The following GRM8 variants were observed in gnomAD, a reference collection of about 807,000 sequenced individuals.
GRM8 encodes metabotropic glutamate receptor 8.
A neutral mutation model predicts 87.2 loss-of-function variants in GRM8; 47 were observed. That is an observed-to-expected ratio of 0.54 (90% confidence interval 0.43 to 0.69). The LOEUF (loss-of-function observed/expected upper bound fraction) is 0.69. Among genes scored for constraint, GRM8 ranks in the 30% least tolerant of loss-of-function variants. GRM8 has a pLI of 0.00. For missense variants in GRM8, 1,019 were observed against 1,139.2 expected (o/e 0.89, Z 1.52); for synonymous variants, 396 against 404.5 (o/e 0.98, Z 0.25).
intron 3 of GRM8, among the ~76,000 whole-genome samples, chr7:127,011,674 A>T (rs1814912770): frequency 6.6e-6 from 1 of 152,192 alleles, no homozygotes; most frequent in Non-Finnish European, 1.5e-5. Context: ...TTCACTGAAG[A>T]CAGATTTCCA....
rs778938688 is a variant in GRM8 at position 126,789,444 on chromosome 7, G to A, written c.1157-19379C>T. 5.3e-5 allele frequency among the ~76,000 whole-genome samples: 8 copies of A among 152,042 alleles called. 1 individual carries two copies. The highest frequency in any genetic ancestry group is 8.8e-5 in the Non-Finnish European group (6 of 68,016). ...TAAAGCTTTTTATCTTTGCTGCCCC[G>A]ACAGACGACAGGGACTCCACAATTC... On this transcript the variant is annotated intron_variant, in intron 6 of 10. Transcript: ENST00000339582.
intron 2 of GRM8, among the ~76,000 whole-genome samples, chr7:127,235,607 T>C (rs1188163246): frequency 2.0e-5 from 3 of 152,214 alleles, no homozygotes; most frequent in Non-Finnish European, 4.4e-5. Flanking sequence ...GTATGGTCCA[T>C]CCATATGATT....
At chr7:127,117,483 A>G (rs1363779315) in intron 2 of GRM8, among the ~76,000 whole-genome samples, 1 of 152,208 alleles carries the variant, frequency 6.6e-6, no homozygotes, top group Non-Finnish European at 1.5e-5. Context: ...GTTTTCAAGC[A>G]GTTTGGGATT....
At chr7:126,739,961 T>C (rs926483667) in intron 7 of GRM8, among the ~76,000 whole-genome samples, 2 of 152,026 alleles carry the variant, frequency 1.3e-5, no homozygotes, top group African/African-American at 4.8e-5. Context: ...CTATACCATC[T>C]AGGTTTGTAT....
intron 7 of GRM8, among the ~76,000 whole-genome samples, chr7:126,756,799 G>C (rs1470586839): frequency 1.3e-5 from 2 of 152,184 alleles, no homozygotes; most frequent in African/African-American, 2.4e-5. Flanking sequence ...TTTTAGGTCA[G>C]AGAATGAACC....
chr7:127,211,903 C>T (rs1316424629), intron 2 of GRM8, among the ~76,000 whole-genome samples: 2 of 152,162 alleles, frequency 1.3e-5, no homozygotes, highest in African/African-American at 4.8e-5. Context: ...CTAACACAAC[C>T]CTATACTTCA....
intron 6 of GRM8, among the ~76,000 whole-genome samples, chr7:126,812,857 G>A (rs1793431189): frequency 1.3e-5 from 2 of 152,048 alleles, no homozygotes; most frequent in African/African-American, 4.8e-5. Context: ...TGCAACCAAG[G>A]AGGTTTCTCA....
intron 3 of GRM8, among the ~76,000 whole-genome samples, chr7:127,026,709 G>A (rs1816816479): frequency 2.0e-5 from 3 of 152,020 alleles, no homozygotes; most frequent in African/African-American, 7.2e-5. Context: ...TTGTAAATTT[G>A]TTTAAGTTCT....
chr7:127,195,320 T>C (rs1168694375), intron 2 of GRM8, among the ~76,000 whole-genome samples: 1 of 152,184 alleles, frequency 6.6e-6, no homozygotes, highest in East Asian at 1.9e-4. Context: ...GATCAGTCAT[T>C]CAAAACAAAT....
chr7:126,735,032 CAGG>C (rs1471108176), intron 7 of GRM8, among the ~76,000 whole-genome samples: 1 of 152,042 alleles, frequency 6.6e-6, no homozygotes, highest in African/African-American at 2.4e-5. Flanking sequence ...AGGCCTTTCA[CAGG>C]AGATCTTCCA....
rs566566237 is a variant in GRM8, at chr7:126,543,620, C to T, written c.1495-9733G>A. 2.0e-5 allele frequency among the ~76,000 whole-genome samples: 3 copies of T among 152,252 alleles called. No individual in the cohort carries two copies. The South Asian group carries it at 6.2e-4, about 32-fold the overall frequency. On this transcript the variant is annotated intron_variant, in intron 8 of 10. Transcript: ENST00000339582. The stretch of plus-strand genomic sequence containing the variant: ...CAAGGGAATGACTGGTTTTGAAAGG[C>T]CGATCATGACTTAGTTCATGGGTTT...
intron 7 of GRM8, among the ~76,000 whole-genome samples, chr7:126,676,418 G>T (rs920091608): frequency 4.6e-5 from 7 of 152,028 alleles, no homozygotes; most frequent in African/African-American, 1.4e-4. Flanking sequence ...AATAGCCAAA[G>T]AAATACCAAG....
intron 7 of GRM8, among the ~76,000 whole-genome samples, chr7:126,635,295 AAG>A (rs1379231049): frequency 6.6e-6 from 1 of 152,196 alleles, no homozygotes; most frequent in African/African-American, 2.4e-5. Flanking sequence ...CCCGTTTGAA[AAG>A]AGTTAATGCC....
chr7:127,034,645 A>G (rs1339470131), intron 3 of GRM8, among the ~76,000 whole-genome samples: 1 of 152,180 alleles, frequency 6.6e-6, no homozygotes, highest in Non-Finnish European at 1.5e-5. Context: ...AATTGGTTAT[A>G]CAATCTATGT....
chr7:127,251,967 G>A (rs771886527), intron 1 of GRM8, among the ~76,000 whole-genome samples: 4 of 151,954 alleles, frequency 2.6e-5, no homozygotes, highest in Non-Finnish European at 1.5e-5. Context: ...TGTGGGTGTC[G>A]AGGACCCCGA....
At chr7:126,936,081 A>T (rs1298654238) in intron 3 of GRM8, among the ~76,000 whole-genome samples, 2 of 152,208 alleles carry the variant, frequency 1.3e-5, no homozygotes, top group Non-Finnish European at 2.9e-5. Context: ...GATAAAAACC[A>T]TCTAAATCAT....
chr7:126,457,485 CA>C (rs1803388851), intron 9 of GRM8, among the ~76,000 whole-genome samples: 1 of 151,376 alleles, frequency 6.6e-6, no homozygotes, highest in Non-Finnish European at 1.5e-5. Context: ...GATTTAAATA[CA>C]GGGTATGCTA....
In GRM8 at chr7:126,685,234, C is replaced by T. The variant is rs1361445363; in HGVS notation, c.1358-75736G>A. Among the ~76,000 whole-genome samples, 10 of 152,284 alleles carry T rather than the reference C, an allele frequency of 6.6e-5. No homozygotes were observed. On this transcript the variant is annotated intron_variant, in intron 7 of 10. Transcript: ENST00000339582. The surrounding 1 kb of genome is among the most constrained non-coding windows in gnomAD (Gnocchi z 4.2). ...CCCTGGAGCCTACCACCCTGGGGGC[C>T]ACCATGATGGGGCCGGGCCAAGTTG...
In GRM8 at chr7:126,468,262, A is replaced by C. The variant is rs563181437; in HGVS notation, c.2431-21890T>G. Among the ~76,000 whole-genome samples, 266 of 55,688 alleles carry C rather than the reference A, an allele frequency of 4.8e-3. 8 individuals carry two copies. In the South Asian group the frequency reaches 0.13, roughly 28 times the overall value. The allele number at this position is 55,688 out of a possible 152,430, so 36.5% of individuals were successfully genotyped here. The stretch of plus-strand genomic sequence containing the variant: ...AAAAAGACAGTGTACCATTGACATA[A>C]TATTTGAAGGTTTTGTATCCAGCTA... On this transcript the variant is annotated intron_variant, in intron 9 of 10. Coordinates refer to ENST00000339582, the MANE Select transcript of GRM8 (RefSeq NM_000845.3).
Sources: allele counts gnomAD v4.1 joint callset (sites outside exome capture counted in the v4.1 genomes callset), GRCh38; gene constraint gnomAD v4.1.1; non-coding constraint Gnocchi (gnomAD v3.1); transcripts MANE v1.5; gene names NCBI Gene and HGNC (gene_info 2026-07-23, HGNC 2026-07-21).